Variants in ANKRD28 observed in about 807,000 individuals in gnomAD.
ANKRD28 encodes the protein serine/threonine-protein phosphatase 6 regulatory ankyrin repeat subunit A.
In ANKRD28, 44 loss-of-function variants were observed where a neutral mutation model predicts 126.5. That is an observed-to-expected ratio of 0.35 (90% CI 0.27 to 0.45). ANKRD28 has a LOEUF of 0.45. Ranked by LOEUF, ANKRD28 falls within the 20% of genes least tolerant of loss-of-function variation. The probability of loss-of-function intolerance (pLI) is 1.00; values close to 1 mark genes in which losing one functional copy is unlikely to be tolerated. For missense variants in ANKRD28, 1,110 were observed against 1,316.6 expected, an observed-to-expected ratio of 0.84 and a Z score of 2.43; for synonymous variants, 442 against 468.5, an observed-to-expected ratio of 0.94 and a Z score of 0.73.
chr3:15,851,585 AAAT>A (rs2061652561), intron 1 of ANKRD28, among the ~76,000 whole-genome samples: 3 of 133,952 alleles, frequency 2.2e-5, no homozygotes, highest in African/African-American at 9.2e-5. Flanking sequence ...ATAAATAAAT[AAAT>A]AAAAGAGATA....
chr3:15,746,856 T>C (rs1366790428), intron 4 of ANKRD28, among the ~76,000 whole-genome samples: 2 of 152,200 alleles, frequency 1.3e-5, no homozygotes, highest in African/African-American at 4.8e-5. Context: ...ATTTTTAAAA[T>C]TATCATTTCA....
At position 15,695,128 on chromosome 3, in the gene ANKRD28, T is replaced by G. The variant is rs932878745; in HGVS notation, c.1686+60A>C. ...TCTAATGAGAGCAAACAGATAAACA[T>G]AACTGGTAGGAGGGAACTGACCAAT... On this transcript the variant is annotated intron_variant, in intron 16 of 27. Transcript: ENST00000683139. 3 of 1,332,610 alleles carry G rather than the reference T, an allele frequency of 2.3e-6. No homozygotes were observed. In the African/African-American group the frequency reaches 4.3e-5, roughly 19 times the overall value. 82.5% of individuals were successfully genotyped at this position (1,332,610 alleles called of 1,614,324 possible).
Position 15,846,463 on chromosome 3 carries a change from C to T in ANKRD28, c.27+12914G>A, listed in dbSNP as rs183905653. Among the ~76,000 whole-genome samples, 9 of 152,330 alleles carry T rather than the reference C, an allele frequency of 5.9e-5. No homozygotes were observed. The East Asian group carries it at 1.7e-3, about 29-fold the overall frequency. On this transcript the variant is annotated intron_variant, in intron 1 of 27. Coordinates refer to the ANKRD28 transcript ENST00000399451. The surrounding 1 kb of genome is among the most constrained non-coding windows in gnomAD (Gnocchi z 5.4). ...GCTCTGCAGGGTAAAGCCCCCGAGG[C>T]TGCTTTCACAAACACAATATATACA...
intron 1 of ANKRD28, among the ~76,000 whole-genome samples, chr3:15,807,032 G>A (rs1307742231): frequency 6.6e-6 from 1 of 152,306 alleles, no homozygotes; most frequent in Non-Finnish European, 1.5e-5. Context: ...GTTATCCAAT[G>A]CCATCATATA....
chr3:15,803,684 A>C (rs1313609527), intron 1 of ANKRD28, among the ~76,000 whole-genome samples: 2 of 146,782 alleles, frequency 1.4e-5, no homozygotes, highest in African/African-American at 5.1e-5. Flanking sequence ...ACTGGCTACA[A>C]GAGTGATGGA....
chr3:15,850,541 TG>T (rs2061630353), intron 1 of ANKRD28, among the ~76,000 whole-genome samples: 1 of 152,078 alleles, frequency 6.6e-6, no homozygotes, highest in Non-Finnish European at 1.5e-5. Flanking sequence ...GGCTTGGAAC[TG>T]TATGACTCCA....
At chr3:15,702,926 A>T (rs1413495030) in intron 14 of ANKRD28, among the ~76,000 whole-genome samples, 1 of 152,118 alleles carries the variant, frequency 6.6e-6, no homozygotes, top group African/African-American at 2.4e-5. Flanking sequence ...CATATATACT[A>T]AACCATTTTA....
Position 15,839,335 on chromosome 3 carries a change from G to C in ANKRD28, c.27+20042C>G, listed in dbSNP as rs2125963266. Among the ~76,000 whole-genome samples, 1 of 152,016 alleles carries C rather than the reference G, an allele frequency of 6.6e-6. No homozygotes were observed. The highest frequency in any genetic ancestry group is 2.4e-5 in the African/African-American group (1 of 41,454). ...CTCTTTTAATCCAACTTAAAAGGCT[G>C]ATCAGCTGTTCAGGACCTTAGCTGT... is the stretch of plus-strand genomic sequence containing the variant. On this transcript the variant is annotated intron_variant, in intron 1 of 27. Coordinates refer to the ANKRD28 transcript ENST00000399451. This position sits in a 1 kb window ranked among gnomAD's most constrained non-coding sequence, Gnocchi z 4.3.
At position 15,797,900 on chromosome 3, in the gene ANKRD28, A is replaced by T. The variant is rs189030539; in HGVS notation, c.-1379T>A. The T allele has an allele frequency of 1.0e-5, 10 of 985,450 alleles. No individual in the cohort carries two copies. 61.0% of individuals were successfully genotyped at this position (985,450 alleles called of 1,614,324 possible). On this transcript the variant is annotated 5_prime_UTR_variant, in exon 1 of 28. Transcript: ENST00000683139. ...TCCCACAGAAGCATTCCAACGGAGC[A>T]ACAGTCTGAAGAGCAAAGACTGCAG...
intron 2 of ANKRD28, among the ~76,000 whole-genome samples, chr3:15,793,895 C>A (rs548700476): frequency 6.6e-6 from 1 of 152,252 alleles, no homozygotes; most frequent in African/African-American, 2.4e-5. Context: ...GTGAATGAAA[C>A]CCTGTCTCTA....
At position 15,817,392 on chromosome 3, in the gene ANKRD28, C is replaced by T. The variant is rs185694330; in HGVS notation, c.28-22086G>A. On this transcript the variant is annotated intron_variant, in intron 1 of 27. Transcript: ENST00000399451. This position sits in a 1 kb window ranked among gnomAD's most constrained non-coding sequence, Gnocchi z 4.5. Reference sequence around the variant, plus strand: ...TGCTCACAACATTAAGTTCCTAGAGCTACCGGTAGGCACCATTTCTTATTG... The same window carrying T: ...TGCTCACAACATTAAGTTCCTAGAGTTACCGGTAGGCACCATTTCTTATTG... Among the ~76,000 whole-genome samples, 5 of 152,172 alleles carry T rather than the reference C, an allele frequency of 3.3e-5. No homozygotes were observed. The highest frequency in any genetic ancestry group is 1.9e-4 in the East Asian group (1 of 5,184).
upstream of ANKRD28, chr3:15,798,285 C>T (rs750915990): frequency 8.2e-6 from 3 of 364,768 alleles, no homozygotes; most frequent in Non-Finnish European, 1.1e-5. Context: ...TAAGAATATG[C>T]CTGCAATGGA....
At chr3:15,736,690 C>G (rs1489718852) in intron 5 of ANKRD28, among the ~76,000 whole-genome samples, 1 of 152,178 alleles carries the variant, frequency 6.6e-6, no homozygotes, top group Non-Finnish European at 1.5e-5. Flanking sequence ...TACTAAAAAG[C>G]ATGTTTTCTA....
chr3:15,844,164 G>A (rs572102344), intron 1 of ANKRD28, among the ~76,000 whole-genome samples: 1 of 152,146 alleles, frequency 6.6e-6, no homozygotes, highest in Non-Finnish European at 1.5e-5. Flanking sequence ...ACTGATTCTG[G>A]ACTGTGAGCA....
chr3:15,797,337 T>A lies in ANKRD28; in HGVS notation c.-816A>T. ...GCTTGATTAATCCAGGTTTCCCATA[T>A]AATAGAAGAAACACAGTTAGCTTTA... is the stretch of plus-strand genomic sequence containing the variant. On this transcript the variant is annotated 5_prime_UTR_variant, in exon 1 of 28. Coordinates refer to ENST00000683139, the MANE Select transcript of ANKRD28 (RefSeq NM_001349278.2). 2 of 985,360 alleles carry A rather than the reference T, an allele frequency of 2.0e-6. No individual in the cohort carries two copies. Among genetic ancestry groups the A allele is most frequent in the Non-Finnish European group, 2.4e-6 (2 of 829,926 alleles). 61.0% of individuals were successfully genotyped at this position (985,360 alleles called of 1,614,324 possible).
exon 1 of ANKRD28, chr3:15,859,510 G>C: frequency 9.2e-7 from 1 of 1,090,978 alleles, no homozygotes; most frequent in Non-Finnish European, 1.3e-6. Context: ...CGCTGCCCGG[G>C]ACCAGCGGGT....
In ANKRD28 at chr3:15,812,226, T is replaced by A. The variant is rs913338813; in HGVS notation, c.28-16920A>T. 6.6e-6 allele frequency among the ~76,000 whole-genome samples: 1 copy of A among 151,952 alleles called. No homozygotes were observed. The highest frequency in any genetic ancestry group is 6.6e-5 in the Admixed American group (1 of 15,262). On this transcript the variant is annotated intron_variant, in intron 1 of 27. Coordinates refer to the ANKRD28 transcript ENST00000399451. The surrounding 1 kb of genome is among the most constrained non-coding windows in gnomAD (Gnocchi z 4.1). ...TCTAAGATGATAATCAAAGATGGCATCATAGAGCTGGGCACAGCGGTGTAC... is the reference window on the plus strand; with the variant it reads ...TCTAAGATGATAATCAAAGATGGCAACATAGAGCTGGGCACAGCGGTGTAC...
chr3:15,711,384 A>C, intron 11 of ANKRD28, 110 bp from the exon 12 acceptor site: 3 of 857,238 alleles, frequency 3.5e-6, no homozygotes, highest in African/African-American at 1.7e-5. Context: ...AAACAAAACT[A>C]TGGGTTCTTA....
At chr3:15,728,664 T>C (rs894932350) in intron 6 of ANKRD28, among the ~76,000 whole-genome samples, 1 of 152,238 alleles carries the variant, frequency 6.6e-6, no homozygotes, top group Non-Finnish European at 1.5e-5. Context: ...GTATTTACTC[T>C]GTTGTGGTAG....
Sources: allele counts gnomAD v4.1 joint callset (sites outside exome capture counted in the v4.1 genomes callset), GRCh38; gene constraint gnomAD v4.1.1; non-coding constraint Gnocchi (gnomAD v3.1); transcripts MANE v1.5; gene names NCBI Gene and HGNC (gene_info 2026-07-23, HGNC 2026-07-21).